Variants in TFB1M observed in about 807,000 individuals in gnomAD.
TFB1M encodes dimethyladenosine transferase 1, mitochondrial.
Under a neutral mutation model 31.1 loss-of-function variants are expected in TFB1M, and 27 were observed. That is an observed-to-expected ratio of 0.87 (90% confidence interval 0.64 to 1.20). TFB1M has a LOEUF of 1.20. Ranked by LOEUF, TFB1M falls within the 50% of genes most tolerant of loss-of-function variation. The pLI, the probability that TFB1M is intolerant of heterozygous loss-of-function variation, is 0.00. For missense variants in TFB1M, 394 were observed against 418.7 expected (o/e 0.94, Z 0.51); for synonymous variants, 166 against 151.8 (o/e 1.09, Z -0.69).
intron 4 of TFB1M, among the ~76,000 whole-genome samples, chr6:155,292,542 C>A (rs1173346477): frequency 2.6e-5 from 4 of 151,954 alleles, no homozygotes; most frequent in African/African-American, 9.7e-5. Context: ...GCTCAACGAG[C>A]CCCAAATTAA....
the TFB1M span, among the ~76,000 whole-genome samples, chr6:155,248,724 A>G: frequency 6.6e-6 from 1 of 152,170 alleles, no homozygotes; most frequent in Non-Finnish European, 1.5e-5. Flanking sequence ...CTGAGACACA[A>G]TTTATCAAAA....
chr6:155,236,142 C>T, the TFB1M span, among the ~76,000 whole-genome samples: 1 of 151,916 alleles, frequency 6.6e-6, no homozygotes, highest in African/African-American at 2.4e-5. Context: ...TAGCTCACTT[C>T]ATAGGAGGCC....
chr6:155,258,989 G>A (rs772609473), intron 6 of TFB1M, among the ~76,000 whole-genome samples: 6 of 152,208 alleles, frequency 3.9e-5, no homozygotes, highest in Non-Finnish European at 7.3e-5. Flanking sequence ...TCTGGTCCAT[G>A]TCTGTCCTGA....
downstream of TFB1M, among the ~76,000 whole-genome samples, chr6:155,252,530 C>T (rs115314849): frequency 3.0e-3 from 450 of 152,228 alleles, no homozygotes; most frequent in African/African-American, 0.01. Flanking sequence ...CATAGAACAT[C>T]GACTTTTATA....
chr6:155,310,324 T>A (rs368981343), intron 2 of TFB1M, among the ~76,000 whole-genome samples: 1 of 152,232 alleles, frequency 6.6e-6, no homozygotes, highest in East Asian at 1.9e-4. Context: ...AGACATTAAG[T>A]GTTCCCCTAT....
At chr6:155,298,070 C>T (rs145785778) in intron 3 of TFB1M, among the ~76,000 whole-genome samples, 2 of 152,364 alleles carry the variant, frequency 1.3e-5, no homozygotes, top group Non-Finnish European at 2.9e-5. Context: ...TGAATGAAGA[C>T]TGCCTTGGTT....
intron 5 of TFB1M, 157 bp from the exon 6 acceptor site, chr6:155,260,557 A>G (rs1784344770): frequency 1.1e-6 from 1 of 901,964 alleles, no homozygotes; most frequent in Non-Finnish European, 1.8e-6. Flanking sequence ...TAGGCATGGA[A>G]GATGGTACAT....
Position 155,257,375 on chromosome 6 carries a change from A to C in TFB1M, c.*461T>G. 1 of 449,042 alleles carries C rather than the reference A, an allele frequency of 2.2e-6. No individual in the cohort carries two copies. 27.8% of individuals were successfully genotyped at this position (449,042 alleles called of 1,614,324 possible). On this transcript the variant is annotated 3_prime_UTR_variant, in exon 7 of 7. Coordinates refer to ENST00000367166, the MANE Select transcript of TFB1M (RefSeq NM_016020.4). ...TTGAGCAGGTATCAAATGATTTAGG[A>C]TCCTTAAAATTACATTCTAATAATT...
intron 5 of TFB1M, among the ~76,000 whole-genome samples, chr6:155,284,330 C>T (rs992884690): frequency 1.3e-5 from 2 of 152,136 alleles, no homozygotes; most frequent in African/African-American, 4.8e-5. Flanking sequence ...ATGAAGGATA[C>T]ATGATGCAAG....
chr6:155,294,881 A>G (rs1005077802), intron 4 of TFB1M, among the ~76,000 whole-genome samples: 17 of 152,242 alleles, frequency 1.1e-4, no homozygotes, highest in African/African-American at 4.1e-4. Context: ...CAGAACGATG[A>G]AACTAATTCA....
chr6:155,269,088 T>C (rs1225009202), intron 5 of TFB1M, among the ~76,000 whole-genome samples: 1 of 151,136 alleles, frequency 6.6e-6, no homozygotes, highest in Non-Finnish European at 1.5e-5. Context: ...TAAATGCTGA[T>C]ATGTAAAGCT....
chr6:155,233,708 C>A, the TFB1M span, among the ~76,000 whole-genome samples: 8 of 152,218 alleles, frequency 5.3e-5, no homozygotes, highest in East Asian at 1.5e-3. Context: ...GTGGCTCACG[C>A]CTATAATCCC....
At chr6:155,265,916 T>C (rs1375678534) in intron 5 of TFB1M, among the ~76,000 whole-genome samples, 2 of 151,824 alleles carry the variant, frequency 1.3e-5, no homozygotes, top group Non-Finnish European at 2.9e-5. Flanking sequence ...GGGAGTCCAA[T>C]GTTTGAGGAT....
rs1395421091 is a variant in TFB1M, at chr6:155,311,315, T to C, written c.158A>G (p.Asn53Ser). The change falls in exon 2 of 7, where the codon AAT (asparagine) becomes AGT (serine). Residue 53 changes from asparagine to serine, a missense_variant. Physicochemically the swap from Asn to Ser is conservative, Grantham distance 46. Around this residue, in one of 3 missense-constraint regions of TFB1M, gnomAD observed 273 missense variants for 256.4 expected, o/e 1.06. Transcript: ENST00000367166. ...TTCGTAAACATAAGCATTTGTCAGA[T>C]TGCCAGCTTTCCTTACAATCTTATC... Reference protein sequence around the residue: ...LTDKIVRKAGNLTNAYVYEVG... With the variant: ...LTDKIVRKAGSLTNAYVYEVG... 2.5e-6 allele frequency: 4 copies of C among 1,614,042 alleles called. No individual in the cohort carries two copies. The highest frequency in any genetic ancestry group is 2.7e-5 in the African/African-American group (2 of 75,034).
chr6:155,282,165 T>C (rs1776393949), intron 5 of TFB1M, among the ~76,000 whole-genome samples: 1 of 152,236 alleles, frequency 6.6e-6, no homozygotes, highest in Admixed American at 6.5e-5. Context: ...GACACTAAAG[T>C]AGACCAATTA....
chr6:155,230,088 C>G, the TFB1M span, among the ~76,000 whole-genome samples: 1 of 152,144 alleles, frequency 6.6e-6, no homozygotes, highest in Admixed American at 6.5e-5. Context: ...ACCGAGAGTA[C>G]AAATCCACCA....
At chr6:155,307,757 T>C (rs1301939972) in intron 2 of TFB1M, among the ~76,000 whole-genome samples, 2 of 152,162 alleles carry the variant, frequency 1.3e-5, no homozygotes, top group Non-Finnish European at 2.9e-5. Context: ...AGAACTGTCC[T>C]GGGCCACACA....
intron 2 of TFB1M, among the ~76,000 whole-genome samples, chr6:155,302,173 G>A (rs888751835): frequency 6.6e-6 from 1 of 152,174 alleles, no homozygotes; most frequent in Non-Finnish European, 1.5e-5. Context: ...ATACTACATT[G>A]AATACCCATT....
intron 4 of TFB1M, among the ~76,000 whole-genome samples, chr6:155,293,238 A>G (rs189221419): frequency 5.9e-5 from 9 of 152,292 alleles, no homozygotes; most frequent in Admixed American, 3.9e-4. Flanking sequence ...CAAAGACCCA[A>G]ATGGAATTTA....
Sources: allele counts gnomAD v4.1 joint callset (sites outside exome capture counted in the v4.1 genomes callset), GRCh38; gene constraint gnomAD v4.1.1; regional missense constraint gnomAD v4.1.1; transcripts MANE v1.5; gene names NCBI Gene and HGNC (gene_info 2026-07-23, HGNC 2026-07-21).